Variants in ARB2A observed in about 807,000 individuals in gnomAD.
ARB2A encodes cotranscriptional regulator ARB2A.
At chr5:93,631,327 T>G in the ARB2A span, among the ~76,000 whole-genome samples, 5 of 152,204 alleles carry the variant, frequency 3.3e-5, no homozygotes, top group South Asian at 2.1e-4. Context: ...CTATAAAATA[T>G]AGACAGCTGT....
chr5:93,918,528 T>A, the ARB2A span, among the ~76,000 whole-genome samples: 2 of 151,180 alleles, frequency 1.3e-5, no homozygotes, highest in Non-Finnish European at 2.9e-5. Flanking sequence ...TTCAAGTGAT[T>A]CTCCTGCCTC....
the ARB2A span, chr5:93,865,390 A>C: frequency 2.0e-6 from 2 of 985,364 alleles, no homozygotes; most frequent in Non-Finnish European, 2.4e-6. Flanking sequence ...GATCCTGGAT[A>C]ATTTCATGTG....
At chr5:93,809,368 C>A in the ARB2A span, among the ~76,000 whole-genome samples, 1 of 151,788 alleles carries the variant, frequency 6.6e-6, no homozygotes, top group African/African-American at 2.4e-5. Context: ...CACATGTACC[C>A]CTGAACCTAA....
the ARB2A span, among the ~76,000 whole-genome samples, chr5:93,669,551 T>C: frequency 2.0e-5 from 3 of 152,330 alleles, no homozygotes; most frequent in South Asian, 4.1e-4. Flanking sequence ...GGATTCTTAA[T>C]GTTATTAAAA....
chr5:93,974,966 G>A, the ARB2A span, among the ~76,000 whole-genome samples: 1 of 152,092 alleles, frequency 6.6e-6, no homozygotes, highest in Non-Finnish European at 1.5e-5. Context: ...CCTCTGGGAT[G>A]TGGCAAAAGC....
the ARB2A span, among the ~76,000 whole-genome samples, chr5:93,698,933 C>T: frequency 6.6e-6 from 1 of 152,078 alleles, no homozygotes; most frequent in African/African-American, 2.4e-5. Flanking sequence ...AGAAGCTCTT[C>T]CAGGTTACAG....
the ARB2A span, among the ~76,000 whole-genome samples, chr5:93,803,401 T>C: frequency 6.6e-6 from 1 of 151,940 alleles, no homozygotes; most frequent in African/African-American, 2.4e-5. Context: ...TGATGTGAGA[T>C]TTCTAAACCC....
chr5:93,626,681 G>A, the ARB2A span, among the ~76,000 whole-genome samples: 2 of 152,164 alleles, frequency 1.3e-5, no homozygotes, highest in African/African-American at 4.8e-5. Context: ...ATTAAAACAT[G>A]CTTTATTGCT....
At chr5:93,863,669 A>G in the ARB2A span, 1 of 152,124 alleles carries the variant, frequency 6.6e-6, no homozygotes, top group Admixed American at 6.5e-5. Flanking sequence ...GGCATGTTTT[A>G]TTACTAATCT....
the ARB2A span, among the ~76,000 whole-genome samples, chr5:94,015,493 C>T: frequency 6.6e-6 from 1 of 151,852 alleles, no homozygotes; most frequent in Non-Finnish European, 1.5e-5. Context: ...AATACATGGA[C>T]AAACCCAGAA....
chr5:94,072,877 C>T, the ARB2A span, among the ~76,000 whole-genome samples: 1 of 152,138 alleles, frequency 6.6e-6, no homozygotes, highest in African/African-American at 2.4e-5. Context: ...TTACCATCTT[C>T]ATTATTACAG....
the ARB2A span, among the ~76,000 whole-genome samples, chr5:93,929,754 A>T: frequency 6.6e-6 from 1 of 152,218 alleles, no homozygotes; most frequent in Non-Finnish European, 1.5e-5. Flanking sequence ...AACAGAAAAG[A>T]AATGAATTTA....
the ARB2A span, among the ~76,000 whole-genome samples, chr5:93,951,759 C>T: frequency 6.6e-6 from 1 of 152,138 alleles, no homozygotes; most frequent in Non-Finnish European, 1.5e-5. Flanking sequence ...AGTGAAGTGG[C>T]TCACGCCTGA....
At chr5:93,653,436 C>T in the ARB2A span, among the ~76,000 whole-genome samples, 2 of 131,222 alleles carry the variant, frequency 1.5e-5, no homozygotes, top group Non-Finnish European at 3.1e-5. Context: ...GGCATGAACC[C>T]GGGAGGCGGA....
At chr5:93,691,186 T>C in the ARB2A span, among the ~76,000 whole-genome samples, 1 of 151,970 alleles carries the variant, frequency 6.6e-6, no homozygotes, top group African/African-American at 2.4e-5. Context: ...TTTGACAAAT[T>C]GACAGAAGTA....
the ARB2A span, among the ~76,000 whole-genome samples, chr5:93,643,472 C>T: frequency 1.3e-5 from 2 of 152,060 alleles, no homozygotes; most frequent in Admixed American, 1.3e-4. Flanking sequence ...GTGAATAGCC[C>T]ATAGAATATG....
At chr5:93,712,278 C>T in the ARB2A span, among the ~76,000 whole-genome samples, 2 of 152,108 alleles carry the variant, frequency 1.3e-5, no homozygotes, top group African/African-American at 2.4e-5. Context: ...ACCCACCAAG[C>T]TATCAACATC....
At chr5:93,760,398 C>T in the ARB2A span, among the ~76,000 whole-genome samples, 1 of 152,068 alleles carries the variant, frequency 6.6e-6, no homozygotes, top group Admixed American at 6.5e-5. Context: ...TTAGAAAAAA[C>T]AATTCTAAAA....
chr5:93,845,473 C>A, the ARB2A span, among the ~76,000 whole-genome samples: 16 of 151,774 alleles, frequency 1.1e-4, no homozygotes, highest in African/African-American at 3.9e-4. Context: ...AAGATCTCAG[C>A]TGTCATTCAT....
Sources: gnomAD v4.1 joint callset for allele counts (sites outside exome capture counted in the v4.1 genomes callset) on GRCh38, gnomAD v4.1.1 for gene constraint, MANE v1.5 for transcripts, NCBI Gene and HGNC (gene_info 2026-07-23, HGNC 2026-07-21) for gene names.